Variants in MAML2 observed in about 807,000 individuals in gnomAD.
The protein encoded by MAML2 is mastermind like transcriptional coactivator 2, also known as mastermind-like protein 2.
A neutral mutation model predicts 96.1 loss-of-function variants in MAML2; 22 were observed. That is an observed-to-expected ratio of 0.23 (90% CI 0.16 to 0.33). The LOEUF (loss-of-function observed/expected upper bound fraction) is 0.33, where lower values mean the gene tolerates loss of function less well. Among genes scored for constraint, MAML2 ranks in the 10% least tolerant of loss-of-function variants. The probability of loss-of-function intolerance (pLI) is 1.00; values close to 1 mark genes in which losing one functional copy is unlikely to be tolerated. For synonymous variants in MAML2, 561 were observed against 521.3 expected (o/e 1.08, Z -1.04); for missense variants, 1,367 against 1,392.4 (o/e 0.98, Z 0.29).
chr11:96,196,058 T>C (rs564256), intron 1 of MAML2, among the ~76,000 whole-genome samples: 22,664 of 152,168 alleles, frequency 0.15, 1,800 homozygotes, highest in East Asian at 0.23. Flanking sequence ...CATAGATACA[T>C]ATCTGCAACA....
chr11:96,153,490 T>C (rs1860960267), intron 1 of MAML2, among the ~76,000 whole-genome samples: 1 of 152,204 alleles, frequency 6.6e-6, no homozygotes, highest in Non-Finnish European at 1.5e-5. Context: ...TTAATTTTGG[T>C]TTTTTAAAGG....
intron 1 of MAML2, among the ~76,000 whole-genome samples, chr11:96,328,824 C>T (rs1000592717): frequency 2.0e-5 from 3 of 151,930 alleles, no homozygotes; most frequent in Non-Finnish European, 4.4e-5. Flanking sequence ...AGGGTTTTAG[C>T]GATAAGAAAA....
At chr11:96,017,350 C>G (rs1858370108) in intron 2 of MAML2, among the ~76,000 whole-genome samples, 1 of 151,488 alleles carries the variant, frequency 6.6e-6, no homozygotes, top group Admixed American at 6.6e-5. Context: ...AGAGATTACC[C>G]CTCCCTCCCT....
At chr11:96,272,827 CTT>C (rs1315295548) in intron 1 of MAML2, among the ~76,000 whole-genome samples, 4 of 152,182 alleles carry the variant, frequency 2.6e-5, no homozygotes, top group Non-Finnish European at 5.9e-5. Flanking sequence ...ACTTAGTGCT[CTT>C]TGTGCTACAA....
chr11:96,333,251 G>A (rs992945725), intron 1 of MAML2, among the ~76,000 whole-genome samples: 1 of 151,746 alleles, frequency 6.6e-6, no homozygotes. Flanking sequence ...CAAGAACACT[G>A]TTAAAAACAA....
intron 1 of MAML2, among the ~76,000 whole-genome samples, chr11:96,098,830 G>T (rs539235919): frequency 6.6e-6 from 1 of 152,314 alleles, no homozygotes; most frequent in African/African-American, 2.4e-5. Context: ...TGGGGCTGGG[G>T]TCCTCAGTAA....
chr11:96,282,534 T>G (rs891069238), intron 1 of MAML2, among the ~76,000 whole-genome samples: 1 of 152,234 alleles, frequency 6.6e-6, no homozygotes, highest in Non-Finnish European at 1.5e-5. Flanking sequence ...TTTTTAGTTT[T>G]ATCTTGAAGC....
chr11:96,129,716 C>A (rs911692980), intron 1 of MAML2, among the ~76,000 whole-genome samples: 10 of 152,128 alleles, frequency 6.6e-5, no homozygotes, highest in African/African-American at 2.2e-4. Context: ...TTCTCTTGAT[C>A]CCAACATCCA....
chr11:96,095,196 TAA>T (rs1304296409), intron 1 of MAML2, among the ~76,000 whole-genome samples: 1 of 152,040 alleles, frequency 6.6e-6, no homozygotes, highest in East Asian at 1.9e-4. Context: ...CAACCTAGTA[TAA>T]AGGGGCCAGG....
intron 1 of MAML2, among the ~76,000 whole-genome samples, chr11:96,277,032 G>A (rs1862998628): frequency 6.6e-6 from 1 of 152,034 alleles, no homozygotes; most frequent in Non-Finnish European, 1.5e-5. Context: ...TTCATGCTCT[G>A]TAAAAACTCA....
At chr11:96,234,595 G>T (rs1169451003) in intron 1 of MAML2, among the ~76,000 whole-genome samples, 1 of 152,180 alleles carries the variant, frequency 6.6e-6, no homozygotes, top group Non-Finnish European at 1.5e-5. Flanking sequence ...CACTCCCAGA[G>T]ATGTCTCTCC....
intron 1 of MAML2, among the ~76,000 whole-genome samples, chr11:96,207,783 A>G (rs920456470): frequency 2.0e-5 from 3 of 152,388 alleles, no homozygotes; most frequent in South Asian, 4.1e-4. Context: ...TCTTGCCATT[A>G]TCGAATAAAG....
intron 1 of MAML2, among the ~76,000 whole-genome samples, chr11:96,156,087 G>A (rs2135883447): frequency 6.6e-6 from 1 of 152,252 alleles, no homozygotes; most frequent in East Asian, 1.9e-4. Context: ...CTGCAGACAG[G>A]AAATGCTCCT....
chr11:96,052,016 A>T (rs1186933094), intron 2 of MAML2, among the ~76,000 whole-genome samples: 1 of 152,226 alleles, frequency 6.6e-6, no homozygotes, highest in Non-Finnish European at 1.5e-5. Flanking sequence ...AAGTGACCAC[A>T]ACTGTACCTG....
chr11:96,279,453 T>G (rs1591110819), intron 1 of MAML2, among the ~76,000 whole-genome samples: 1 of 152,154 alleles, frequency 6.6e-6, no homozygotes, highest in African/African-American at 2.4e-5. Flanking sequence ...AGTATACAGA[T>G]GAACAAAGGA....
intron 1 of MAML2, among the ~76,000 whole-genome samples, chr11:96,301,836 G>T (rs1380159483): frequency 6.6e-6 from 1 of 152,192 alleles, no homozygotes; most frequent in Non-Finnish European, 1.5e-5. Flanking sequence ...TACTGGCAAA[G>T]AAAGCCTAAA....
chr11:96,166,395 TA>T (rs1861196314), intron 1 of MAML2, among the ~76,000 whole-genome samples: 1 of 152,250 alleles, frequency 6.6e-6, no homozygotes, highest in South Asian at 2.1e-4. Context: ...TTATTTTCGT[TA>T]AGTTAAATAG....
chr11:96,090,557 TA>T (rs1384594175), intron 2 of MAML2, among the ~76,000 whole-genome samples: 2 of 152,148 alleles, frequency 1.3e-5, no homozygotes, highest in African/African-American at 4.8e-5. Flanking sequence ...CATTAGAAAA[TA>T]GTTCTACGAC....
intron 2 of MAML2, among the ~76,000 whole-genome samples, chr11:96,073,044 T>C (rs1005434672): frequency 2.0e-5 from 3 of 152,224 alleles, no homozygotes; most frequent in Non-Finnish European, 4.4e-5. Context: ...AAAACTATTA[T>C]GGAAACCAAG....
Sources: gnomAD v4.1 joint callset for allele counts (sites outside exome capture counted in the v4.1 genomes callset) on GRCh38, gnomAD v4.1.1 for gene constraint, MANE v1.5 for transcripts, NCBI Gene and HGNC (gene_info 2026-07-23, HGNC 2026-07-21) for gene names.